ROBO1: variants seen among roughly 807,000 people sequenced by gnomAD.
ROBO1 encodes roundabout homolog 1.
ROBO1 carries 149 observed loss-of-function variants against 195.9 expected under a neutral mutation model. That is an observed-to-expected ratio of 0.76 (90% CI 0.67 to 0.87). The LOEUF (loss-of-function observed/expected upper bound fraction) is 0.87, where lower values mean the gene tolerates loss of function less well. Ranked by LOEUF, ROBO1 falls within the 40% of genes least tolerant of loss-of-function variation. The pLI, the probability that ROBO1 is intolerant of heterozygous loss-of-function variation, is 0.00. For missense variants in ROBO1, 1,933 were observed against 2,068.3 expected (o/e 0.93, Z 1.27); for synonymous variants, 816 against 733.2 (o/e 1.11, Z -1.82).
At chr3:78,703,273 T>TA (rs1253109804) in intron 8 of ROBO1, among the ~76,000 whole-genome samples, 2 of 152,226 alleles carry the variant, frequency 1.3e-5, no homozygotes, top group Non-Finnish European at 2.9e-5. Flanking sequence ...GAAACAGCAT[T>TA]AAAAAACCCA....
intron 8 of ROBO1, among the ~76,000 whole-genome samples, chr3:78,713,518 T>G (rs1576000645): frequency 6.6e-6 from 1 of 152,234 alleles, no homozygotes; most frequent in Non-Finnish European, 1.5e-5. Context: ...AAATGTTTTT[T>G]AAAGGTCATT....
At chr3:78,612,438 A>AT (rs1703874032) in intron 28 of ROBO1, among the ~76,000 whole-genome samples, 1 of 152,054 alleles carries the variant, frequency 6.6e-6, no homozygotes, top group Admixed American at 6.6e-5. Flanking sequence ...GTCTATGAAT[A>AT]TTTTTTCCAA....
At chr3:78,997,277 G>A (rs991473739) in intron 3 of ROBO1, among the ~76,000 whole-genome samples, 16 of 152,134 alleles carry the variant, frequency 1.1e-4, no homozygotes, top group Non-Finnish European at 1.6e-4. Flanking sequence ...CAACACCACT[G>A]TGAAATACAT....
At chr3:78,939,342 C>T (rs328051) in intron 3 of ROBO1, among the ~76,000 whole-genome samples, 2,877 of 151,956 alleles carry the variant, frequency 0.019, 43 homozygotes, top group Middle Eastern at 0.071. Context: ...TGGCCCGGCG[C>T]GGGGGCTCAC....
chr3:79,144,448 C>T (rs954042164), intron 2 of ROBO1, among the ~76,000 whole-genome samples: 1 of 151,822 alleles, frequency 6.6e-6, no homozygotes, highest in African/African-American at 2.4e-5. Context: ...CCACTTTTTT[C>T]CTCTTTCCCC....
chr3:79,499,215 G>A (rs1261780238), intron 2 of ROBO1, among the ~76,000 whole-genome samples: 4 of 152,088 alleles, frequency 2.6e-5, no homozygotes, highest in African/African-American at 9.7e-5. Flanking sequence ...GGCTGGTCTC[G>A]AACTCCCGAC....
chr3:78,682,012 T>C (rs1304575359), intron 10 of ROBO1, among the ~76,000 whole-genome samples: 2 of 152,150 alleles, frequency 1.3e-5, no homozygotes, highest in Non-Finnish European at 2.9e-5. Context: ...TTAAGGAATA[T>C]ACACTTTATC....
At chr3:79,179,432 C>T (rs1230510817) in intron 2 of ROBO1, among the ~76,000 whole-genome samples, 2 of 152,130 alleles carry the variant, frequency 1.3e-5, no homozygotes, top group East Asian at 3.9e-4. Flanking sequence ...GGCTTACTTT[C>T]CGGTAAGGAT....
At chr3:79,037,009 T>C (rs901632523) in intron 3 of ROBO1, among the ~76,000 whole-genome samples, 28 of 152,110 alleles carry the variant, frequency 1.8e-4, no homozygotes, top group African/African-American at 6.3e-4. Context: ...CTAAAGAGTA[T>C]ATATAAAATT....
At chr3:78,678,138 C>T (rs1443650113) in intron 10 of ROBO1, among the ~76,000 whole-genome samples, 2 of 151,914 alleles carry the variant, frequency 1.3e-5, no homozygotes, top group Admixed American at 1.3e-4. Flanking sequence ...AGAACAAAGA[C>T]ACAACATACC....
intron 1 of ROBO1, among the ~76,000 whole-genome samples, chr3:79,596,566 A>G (rs1010504929): frequency 1.3e-5 from 2 of 152,078 alleles, no homozygotes; most frequent in African/African-American, 4.8e-5. Context: ...TTCACAGTTT[A>G]CCTATGTATT....
At chr3:79,184,318 T>C (rs1232859995) in intron 2 of ROBO1, among the ~76,000 whole-genome samples, 1 of 152,208 alleles carries the variant, frequency 6.6e-6, no homozygotes, top group Non-Finnish European at 1.5e-5. Context: ...CAACAGAAAC[T>C]TGAAATGTAG....
At chr3:78,834,000 G>C (rs1327935437) in intron 4 of ROBO1, among the ~76,000 whole-genome samples, 1 of 152,102 alleles carries the variant, frequency 6.6e-6, no homozygotes, top group African/African-American at 2.4e-5. Flanking sequence ...GCTTATTTAA[G>C]AGAATAAAAT....
chr3:79,734,742 G>A (rs947790980), intron 1 of ROBO1, among the ~76,000 whole-genome samples: 2 of 150,754 alleles, frequency 1.3e-5, no homozygotes, highest in South Asian at 4.2e-4. Context: ...ATAGGTCTGA[G>A]TGGGAGCGTC....
rs1575833790 is a variant in ROBO1 at position 78,646,149 on chromosome 3, T to C, written c.2881A>G (p.Arg961Gly). The change falls in exon 21 of 31, where the codon AGG becomes GGG. Residue 961 changes from arginine (R) to glycine (G), a missense_variant and splice_region_variant. Physicochemically the swap from Arg to Gly is moderately radical, Grantham distance 125. This residue lies in a region of ROBO1 where 1,737 missense variants were observed against 1,882.5 expected (regional missense o/e 0.92). Coordinates refer to ENST00000464233, the MANE Select transcript of ROBO1 (RefSeq NM_002941.4). ...CTACAAAACAAGCAAGATAATTACC[T>C]CCCTCCACTGCTGACAGCTTCGCCT... The part of the protein sequence containing the change: ...RGGEAVSSGG[R>G]PGLLNISEPA... 1 of 1,604,178 alleles carries C rather than the reference T, an allele frequency of 6.2e-7. No individual in the cohort carries two copies. The highest frequency in any genetic ancestry group is 8.5e-7 in the Non-Finnish European group (1 of 1,173,420).
At chr3:78,628,603 C>T (rs966545218) in intron 25 of ROBO1, among the ~76,000 whole-genome samples, 2 of 152,144 alleles carry the variant, frequency 1.3e-5, no homozygotes, top group Non-Finnish European at 2.9e-5. Flanking sequence ...CTTGTTCATT[C>T]TCTACCATCC....
At chr3:79,539,985 A>T (rs1486641460) in intron 2 of ROBO1, among the ~76,000 whole-genome samples, 1 of 152,014 alleles carries the variant, frequency 6.6e-6, no homozygotes, top group African/African-American at 2.4e-5. Context: ...ATAATAATTC[A>T]CTTACTAATA....
chr3:79,328,179 AT>A (rs1479116081), intron 2 of ROBO1, among the ~76,000 whole-genome samples: 1 of 152,222 alleles, frequency 6.6e-6, no homozygotes, highest in Non-Finnish European at 1.5e-5. Flanking sequence ...ATTATAAACT[AT>A]TTCAATGAAA....
At chr3:79,353,511 A>G (rs2109274808) in intron 2 of ROBO1, among the ~76,000 whole-genome samples, 1 of 152,142 alleles carries the variant, frequency 6.6e-6, no homozygotes, top group East Asian at 1.9e-4. Context: ...TGGCTGCTAT[A>G]TTATAAAAAG....
Sources: allele counts gnomAD v4.1 joint callset (sites outside exome capture counted in the v4.1 genomes callset), GRCh38; gene constraint gnomAD v4.1.1; regional missense constraint gnomAD v4.1.1; transcripts MANE v1.5; gene names NCBI Gene and HGNC (gene_info 2026-07-23, HGNC 2026-07-21).